The following TMEM63C variants were observed in gnomAD, a reference collection of about 807,000 sequenced individuals.
The protein encoded by TMEM63C is osmosensitive cation channel TMEM63C.
A neutral mutation model predicts 99.2 loss-of-function variants in TMEM63C; 32 were observed. The observed-to-expected ratio is 0.32, with a 90% CI of 0.24 to 0.43. The LOEUF (loss-of-function observed/expected upper bound fraction) is 0.43, where lower values mean the gene tolerates loss of function less well. Ranked by LOEUF, TMEM63C falls within the 20% of genes least tolerant of loss-of-function variation. The pLI, the probability that TMEM63C is intolerant of heterozygous loss-of-function variation, is 1.00. For synonymous variants in TMEM63C, 376 were observed against 397.9 expected (o/e 0.94, Z 0.66); for missense variants, 826 against 1,053.0 (o/e 0.78, Z 2.98).
intron 1 of TMEM63C, among the ~76,000 whole-genome samples, chr14:77,212,783 TGAGCAGCCAG>T (rs758552517): frequency 6.6e-6 from 1 of 152,132 alleles, no homozygotes; most frequent in Non-Finnish European, 1.5e-5. Context: ...CCCTGCAGGT[TGAGCAGCCAG>T]GTTGAGCTGA....
At chr14:77,253,434 T>C in intron 23 of TMEM63C, 58 bp downstream of exon 23, 1 of 1,503,620 alleles carries the variant, frequency 6.7e-7, no homozygotes, top group East Asian at 2.4e-5. Flanking sequence ...GATGGTCTAC[T>C]CTAGTGGCAT....
intron 6 of TMEM63C, 127 bp from the exon 7 acceptor site, chr14:77,231,461 A>C (rs1250273063): frequency 3.7e-5 from 36 of 961,472 alleles, no homozygotes; most frequent in Admixed American, 1.1e-4. Flanking sequence ...TGAGATATAG[A>C]GATAGTAAAA....
intron 16 of TMEM63C, among the ~76,000 whole-genome samples, chr14:77,245,503 A>T (rs1889254535): frequency 6.6e-6 from 1 of 152,218 alleles, no homozygotes; most frequent in African/African-American, 2.4e-5. Context: ...GTCCATTTGC[A>T]CTCTGCTGAT....
At chr14:77,243,133 G>T (rs1889209422) in intron 15 of TMEM63C, 77 bp downstream of exon 15, 6 of 1,552,918 alleles carry the variant, frequency 3.9e-6, no homozygotes, top group Middle Eastern at 1.8e-4. Flanking sequence ...GGGATGGGGG[G>T]AGCCCCCTGG....
chr14:77,236,447 G>GT (rs1165610860), intron 8 of TMEM63C, among the ~76,000 whole-genome samples, 177 bp from the exon 9 acceptor site: 2 of 132,112 alleles, frequency 1.5e-5, no homozygotes, highest in Admixed American at 7.4e-5. Context: ...GGGGGTGGGG[G>GT]ATACTGTAAT....
chr14:77,249,234 C>G, intron 20 of TMEM63C, 57 bp from the exon 21 acceptor site: 1 of 1,572,710 alleles, frequency 6.4e-7, no homozygotes, highest in Non-Finnish European at 8.7e-7. Flanking sequence ...GACACTGGAG[C>G]CACAAAGGTC....
chr14:77,249,548 C>G (rs1476946482), intron 21 of TMEM63C, 90 bp downstream of exon 21: 4 of 1,454,082 alleles, frequency 2.8e-6, no homozygotes, highest in Non-Finnish European at 3.7e-6. Context: ...AGGAGAAAAG[C>G]CCAGGCAGGG....
chr14:77,220,407 C>T (rs531413639), intron 5 of TMEM63C, among the ~76,000 whole-genome samples: 151 of 152,330 alleles, frequency 9.9e-4, no homozygotes, highest in Non-Finnish European at 1.7e-3. Flanking sequence ...GTCCTGCCCA[C>T]GTCCCTACCT....
intron 1 of TMEM63C, among the ~76,000 whole-genome samples, chr14:77,192,095 AAAT>A (rs1888120428): frequency 6.6e-6 from 1 of 152,168 alleles, no homozygotes; most frequent in African/African-American, 2.4e-5. Flanking sequence ...TGACTGATAT[AAAT>A]ACGGCCATCC....
intron 1 of TMEM63C, among the ~76,000 whole-genome samples, chr14:77,199,040 T>A (rs575493327): frequency 6.6e-6 from 1 of 152,014 alleles, no homozygotes; most frequent in African/African-American, 2.4e-5. Flanking sequence ...ATATTATGGA[T>A]GATGTATGTT....
At chr14:77,234,064 C>G (rs931620451) in intron 8 of TMEM63C, among the ~76,000 whole-genome samples, 3 of 152,198 alleles carry the variant, frequency 2.0e-5, no homozygotes, top group Non-Finnish European at 4.4e-5. Context: ...GGCCAAGAAC[C>G]TGTGGGTTTC....
In TMEM63C at chr14:77,248,589, A is replaced by G. The variant is rs1203050917; in HGVS notation, c.1764+80A>G. On this transcript the variant is annotated intron_variant, in intron 19 of 23. Coordinates refer to ENST00000298351, the MANE Select transcript of TMEM63C (RefSeq NM_020431.4). ...AGGGATAGAGCCTGCTAGAAGCACCAAGGGGGTTGAGGTGGGAGGGACGGT... is the reference window on the plus strand; with the variant it reads ...AGGGATAGAGCCTGCTAGAAGCACCGAGGGGGTTGAGGTGGGAGGGACGGT... 3.9e-6 allele frequency: 6 copies of G among 1,537,952 alleles called. No individual in the cohort carries two copies. The East Asian group carries it at 1.4e-4, about 37-fold the overall frequency.
intron 8 of TMEM63C, among the ~76,000 whole-genome samples, chr14:77,234,437 C>T (rs778247842): frequency 7.2e-5 from 11 of 152,202 alleles, no homozygotes; most frequent in Non-Finnish European, 2.9e-5. Flanking sequence ...ATTGCTGGCC[C>T]GAGGTACCTA....
At chr14:77,194,619 G>A (rs965059524) in intron 1 of TMEM63C, among the ~76,000 whole-genome samples, 10 of 146,210 alleles carry the variant, frequency 6.8e-5, no homozygotes, top group East Asian at 2.1e-4. Context: ...TGTCACACAC[G>A]CTGGAGCGCA....
intron 7 of TMEM63C, 57 bp from the exon 8 acceptor site, chr14:77,233,395 G>A: frequency 6.3e-7 from 1 of 1,578,366 alleles, no homozygotes; most frequent in Middle Eastern, 1.7e-4. Flanking sequence ...CTTGAATTCT[G>A]GCGCCCCCAG....
intron 1 of TMEM63C, among the ~76,000 whole-genome samples, chr14:77,207,280 C>A (rs1373147254): frequency 6.6e-6 from 1 of 152,256 alleles, no homozygotes; most frequent in Non-Finnish European, 1.5e-5. Flanking sequence ...CAAGTGGCCA[C>A]CTTCTCCCCT....
At chr14:77,194,627 G>A (rs1888184989) in intron 1 of TMEM63C, among the ~76,000 whole-genome samples, 2 of 150,186 alleles carry the variant, frequency 1.3e-5, no homozygotes, top group East Asian at 2.0e-4. Context: ...ACGCTGGAGC[G>A]CAGTGGCACT....
chr14:77,214,998 C>T (rs1888555897), intron 2 of TMEM63C, among the ~76,000 whole-genome samples: 1 of 152,152 alleles, frequency 6.6e-6, no homozygotes, highest in Non-Finnish European at 1.5e-5. Context: ...TCACCTGCTA[C>T]ACCCTCAACC....
chr14:77,193,727 GGGAGGCTGAGGCAGGA>G (rs1461021469), intron 1 of TMEM63C, among the ~76,000 whole-genome samples: 1 of 152,022 alleles, frequency 6.6e-6, no homozygotes, highest in Non-Finnish European at 1.5e-5. Flanking sequence ...CCAGCTACTC[GGGAGGCTGAGGCAGGA>G]GAATGGCTTG....
Sources: gnomAD v4.1 joint callset for allele counts (sites outside exome capture counted in the v4.1 genomes callset) on GRCh38, gnomAD v4.1.1 for gene constraint, MANE v1.5 for transcripts, NCBI Gene and HGNC (gene_info 2026-07-23, HGNC 2026-07-21) for gene names.